The following CELF2 variants were observed in gnomAD, a reference collection of about 807,000 sequenced individuals.
The protein encoded by CELF2 is CUGBP Elav-like family member 2, also known as CUG triplet repeat RNA-binding protein 2.
CELF2 carries 8 observed loss-of-function variants against 62.6 expected under a neutral mutation model. The observed-to-expected ratio is 0.13, with a 90% CI of 0.07 to 0.23. CELF2 has a LOEUF of 0.23. CELF2 is among the 10% of genes least tolerant of loss of function. The pLI, the probability that CELF2 is intolerant of heterozygous loss-of-function variation, is 1.00. For synonymous variants in CELF2, 258 were observed against 250.0 expected, an observed-to-expected ratio of 1.03 and a Z score of -0.30; for missense variants, 333 against 671.0, an observed-to-expected ratio of 0.50 and a Z score of 5.56.
At chr10:11,184,125 T>C (rs1181148399) in intron 2 of CELF2, among the ~76,000 whole-genome samples, 2 of 152,240 alleles carry the variant, frequency 1.3e-5, no homozygotes, top group Non-Finnish European at 2.9e-5. Flanking sequence ...TCTTTTTGCA[T>C]GTGGATATTC....
intron 1 of CELF2, among the ~76,000 whole-genome samples, chr10:11,163,589 G>A (rs1449696069): frequency 6.6e-6 from 1 of 152,206 alleles, no homozygotes; most frequent in Non-Finnish European, 1.5e-5. Context: ...AAATTGTTGA[G>A]AGAAGATTTT....
At chr10:10,597,124 C>G in the CELF2 span, among the ~76,000 whole-genome samples, 1 of 152,196 alleles carries the variant, frequency 6.6e-6, no homozygotes, top group Non-Finnish European at 1.5e-5. Context: ...CTCCCAACCT[C>G]AAGCCAAATA....
chr10:11,293,550 G>A (rs1282855369), intron 9 of CELF2, among the ~76,000 whole-genome samples: 2 of 152,198 alleles, frequency 1.3e-5, no homozygotes, highest in Non-Finnish European at 2.9e-5. Flanking sequence ...GGGGCAGAGA[G>A]GGCTGGAGTG....
intron 1 of CELF2, among the ~76,000 whole-genome samples, chr10:11,104,772 T>A (rs377041485): frequency 6.6e-6 from 1 of 152,228 alleles, no homozygotes; most frequent in African/African-American, 2.4e-5. Context: ...TACAATTCAT[T>A]TTCTAATAAT....
the CELF2 span, among the ~76,000 whole-genome samples, chr10:10,518,346 C>G: frequency 6.6e-6 from 1 of 152,194 alleles, no homozygotes; most frequent in Non-Finnish European, 1.5e-5. Context: ...AGTTGTGTGT[C>G]TGCATTTTGT....
chr10:10,828,008 A>AG (rs1271516900), intron 1 of CELF2, among the ~76,000 whole-genome samples: 2 of 149,276 alleles, frequency 1.3e-5, no homozygotes, highest in Non-Finnish European at 3.0e-5. Context: ...CTTAAAAAAA[A>AG]AAAAAAAAAA....
chr10:10,556,882 TTG>T, the CELF2 span, among the ~76,000 whole-genome samples: 5 of 145,420 alleles, frequency 3.4e-5, no homozygotes, highest in Non-Finnish European at 6.1e-5. Flanking sequence ...ATGGGGTTGT[TTG>T]TTTTTTTCTT....
chr10:10,530,338 T>C, the CELF2 span, among the ~76,000 whole-genome samples: 1 of 152,242 alleles, frequency 6.6e-6, no homozygotes, highest in Non-Finnish European at 1.5e-5. Context: ...TCTTAATTAC[T>C]ATAGTTTGCA....
At chr10:11,077,282 T>C (rs997349107) in intron 1 of CELF2, among the ~76,000 whole-genome samples, 1 of 152,066 alleles carries the variant, frequency 6.6e-6, no homozygotes, top group Non-Finnish European at 1.5e-5. Flanking sequence ...AGGCTTTGAG[T>C]TTGGGTGCTT....
At chr10:10,553,533 C>G in the CELF2 span, among the ~76,000 whole-genome samples, 1 of 152,092 alleles carries the variant, frequency 6.6e-6, no homozygotes, top group Non-Finnish European at 1.5e-5. Context: ...GTCCACAGCA[C>G]CTTATATGCC....
intron 1 of CELF2, among the ~76,000 whole-genome samples, chr10:10,904,955 T>C (rs2063219081): frequency 6.6e-6 from 1 of 152,222 alleles, no homozygotes; most frequent in Non-Finnish European, 1.5e-5. Context: ...TAGATAAGGA[T>C]CCACCCAGAT....
chr10:10,957,348 G>A lies in CELF2; in HGVS notation c.89+37349G>A, dbSNP rs2135891636. 6.6e-6 allele frequency among the ~76,000 whole-genome samples: 1 copy of A among 152,298 alleles called. No individual in the cohort carries two copies. The highest frequency in any genetic ancestry group is 2.1e-4 in the South Asian group (1 of 4,824). The stretch of plus-strand genomic sequence containing the variant: ...GAATTAACATTCTCTTTGTGCATGT[G>A]TCTCCTCTGGGATTCATTCGCTCTC... On this transcript the variant is annotated intron_variant, in intron 2 of 13. Transcript: ENST00000636488. The surrounding 1 kb of genome is among the most constrained non-coding windows in gnomAD (Gnocchi z 4.1).
At chr10:11,192,875 A>C (rs1267549090) in intron 2 of CELF2, among the ~76,000 whole-genome samples, 1 of 152,156 alleles carries the variant, frequency 6.6e-6, no homozygotes, top group African/African-American at 2.4e-5. Flanking sequence ...GAAGGTATTG[A>C]GGTGATTCTA....
rs1426283239 is a variant in CELF2 at position 11,315,607 on chromosome 10, A to C, written c.1096+1349A>C. On this transcript the variant is annotated intron_variant, in intron 10 of 12. Transcript: ENST00000633077. The surrounding 1 kb of genome is among the most constrained non-coding windows in gnomAD (Gnocchi z 5.8). Reference sequence around the variant, plus strand: ...TTGTATTTAGTACATCTTTTGGGGAAAAGCGAAAACGTGGACCGAGCTTTA... The same window carrying C: ...TTGTATTTAGTACATCTTTTGGGGACAAGCGAAAACGTGGACCGAGCTTTA... 2.0e-5 allele frequency among the ~76,000 whole-genome samples: 3 copies of C among 152,228 alleles called. No homozygotes were observed. Among genetic ancestry groups the C allele is most frequent in the African/African-American group, 7.2e-5 (3 of 41,470 alleles).
At chr10:10,696,779 G>A in the CELF2 span, among the ~76,000 whole-genome samples, 15 of 152,270 alleles carry the variant, frequency 9.9e-5, no homozygotes, top group Admixed American at 2.0e-4. Flanking sequence ...GGTGCCGTCC[G>A]TCACCCCTTT....
At chr10:11,128,885 A>G (rs529510685) in intron 1 of CELF2, among the ~76,000 whole-genome samples, 5 of 152,170 alleles carry the variant, frequency 3.3e-5, no homozygotes, top group African/African-American at 7.2e-5. Flanking sequence ...CTCTTGACTG[A>G]TTGCCCTGGC....
intron 1 of CELF2, among the ~76,000 whole-genome samples, chr10:10,895,089 G>A (rs561775121): frequency 6.6e-6 from 1 of 152,284 alleles, no homozygotes; most frequent in South Asian, 2.1e-4. Flanking sequence ...ACGAGATACT[G>A]AGGTGCAAAG....
rs528055578 is a variant in CELF2, at chr10:11,232,754, C to T, written c.354+15247C>T. On this transcript the variant is annotated intron_variant, in intron 3 of 12. Transcript: ENST00000633077. ...ACATTCATGGATAGGAGATGGCCCA[C>T]ATTCATGGATAGGAGATAGCCCACA... 5.3e-4 allele frequency among the ~76,000 whole-genome samples: 80 copies of T among 152,174 alleles called. No homozygotes were observed. In the Middle Eastern group the frequency reaches 0.014, roughly 26 times the overall value.
intron 1 of CELF2, among the ~76,000 whole-genome samples, chr10:11,025,491 C>G (rs1196663229): frequency 6.6e-6 from 1 of 152,066 alleles, no homozygotes; most frequent in Non-Finnish European, 1.5e-5. Flanking sequence ...CTTCTTGCCA[C>G]CTTGTGAGGG....
Sources: allele counts gnomAD v4.1 joint callset (sites outside exome capture counted in the v4.1 genomes callset), GRCh38; gene constraint gnomAD v4.1.1; non-coding constraint Gnocchi (gnomAD v3.1); transcripts MANE v1.5; gene names NCBI Gene and HGNC (gene_info 2026-07-23, HGNC 2026-07-21).